Variants in ZMPSTE24 observed in about 807,000 individuals in gnomAD.
ZMPSTE24 encodes the protein CAAX prenyl protease 1 homolog.
A neutral mutation model predicts 56.7 loss-of-function variants in ZMPSTE24; 48 were observed. That is an observed-to-expected ratio of 0.85 (90% confidence interval 0.67 to 1.08). The LOEUF is 1.08. Among genes scored for constraint, ZMPSTE24 ranks in the 50% least tolerant of loss-of-function variants. ZMPSTE24 has a pLI of 0.00. For missense variants in ZMPSTE24, 503 were observed against 548.7 expected, an observed-to-expected ratio of 0.92 and a Z score of 0.83; for synonymous variants, 172 against 195.2, an observed-to-expected ratio of 0.88 and a Z score of 0.99.
intron 6 of ZMPSTE24, among the ~76,000 whole-genome samples, chr1:40,277,190 A>G (rs1227639953): frequency 6.7e-6 from 1 of 149,252 alleles, no homozygotes; most frequent in Non-Finnish European, 1.5e-5. Context: ...GGTTCACACC[A>G]TTCTCCTGCC....
chr1:40,265,065 T>A (rs959698454), intron 2 of ZMPSTE24, among the ~76,000 whole-genome samples: 1 of 152,102 alleles, frequency 6.6e-6, no homozygotes, highest in African/African-American at 2.4e-5. Context: ...AAACTAAACA[T>A]GCTTTGTTTT....
Position 40,278,419 on chromosome 1 carries a change from G to A in ZMPSTE24, c.770-2924G>A, listed in dbSNP as rs572963719. Among the ~76,000 whole-genome samples the A allele has an allele frequency of 7.9e-4, 119 of 151,100 alleles. 1 individual carries two copies. The highest frequency in any genetic ancestry group is 9.3e-4 in the Non-Finnish European group (63 of 67,702). On this transcript the variant is annotated intron_variant, in intron 6 of 9. Coordinates refer to ENST00000372759, the MANE Select transcript of ZMPSTE24 (RefSeq NM_005857.5). ...TAAAAATACAAAAAATTAGCCGGGC[G>A]TGGTAGCGGGCGCCTGTAGTCCCAG...
intron 4 of ZMPSTE24, among the ~76,000 whole-genome samples, chr1:40,268,762 T>G (rs1331806103): frequency 2.6e-5 from 4 of 151,990 alleles, no homozygotes; most frequent in Admixed American, 6.6e-5. Flanking sequence ...GAGGCCAACC[T>G]GGTCAACACT....
chr1:40,286,495 A>T (rs188063254), intron 8 of ZMPSTE24, among the ~76,000 whole-genome samples: 1 of 152,102 alleles, frequency 6.6e-6, no homozygotes, highest in Admixed American at 6.5e-5. Context: ...ATCTCGGCTC[A>T]CTGCAACCTC....
At chr1:40,267,728 C>T in intron 2 of ZMPSTE24, 58 bp from the exon 3 acceptor site, 1 of 1,293,402 alleles carries the variant, frequency 7.7e-7, no homozygotes, top group Non-Finnish European at 1.1e-6. Flanking sequence ...ACCATGCTTT[C>T]TCATATGATA....
rs780441266 is a variant in ZMPSTE24 at position 40,293,114 on chromosome 1, T to C, written c.*445T>C. On this transcript the variant is annotated 3_prime_UTR_variant, in exon 10 of 10. Transcript: ENST00000372759. ...ATCTGGTCTTACTTTCATGCTGTTA[T>C]GATTTCACCTGGTGAATCAGTGTTT... 1.2e-5 allele frequency: 2 copies of C among 161,890 alleles called. No individual in the cohort carries two copies. Among genetic ancestry groups the C allele is most frequent in the African/African-American group, 4.8e-5 (2 of 41,534 alleles). 10.0% of individuals were successfully genotyped at this position (161,890 alleles called of 1,614,324 possible). A position where few individuals can be genotyped will look rare whatever the true frequency, so the allele number is the denominator to read the frequency against.
At chr1:40,278,445 C>G (rs1322029941) in intron 6 of ZMPSTE24, among the ~76,000 whole-genome samples, 1 of 148,674 alleles carries the variant, frequency 6.7e-6, no homozygotes, top group Non-Finnish European at 1.5e-5. Flanking sequence ...GTAGTCCCAG[C>G]TACTCGGGAG....
intron 8 of ZMPSTE24, among the ~76,000 whole-genome samples, chr1:40,287,165 C>G (rs1226555405): frequency 1.3e-5 from 2 of 151,878 alleles, no homozygotes; most frequent in African/African-American, 4.8e-5. Context: ...CTCCCAGGCT[C>G]AAGCCATCCT....
intron 6 of ZMPSTE24, 130 bp downstream of exon 6, chr1:40,272,165 C>A: frequency 1.9e-6 from 2 of 1,070,402 alleles, no homozygotes; most frequent in Non-Finnish European, 2.5e-6. Context: ...TATTTAAAGG[C>A]TAGGAGTTTA....
At position 40,278,504 on chromosome 1, in the gene ZMPSTE24, G is replaced by T. The variant is rs1643693385; in HGVS notation, c.770-2839G>T. Reference sequence around the variant, plus strand: ...ACCCGGGAGGCGGAGCTTGCAGTGAGCCGAGATCGCGCCACTGCACTCCAG... The same window carrying T: ...ACCCGGGAGGCGGAGCTTGCAGTGATCCGAGATCGCGCCACTGCACTCCAG... On this transcript the variant is annotated intron_variant, in intron 6 of 9. Coordinates refer to ENST00000372759, the MANE Select transcript of ZMPSTE24 (RefSeq NM_005857.5). Among the ~76,000 whole-genome samples, 4 of 128,244 alleles carry T rather than the reference G, an allele frequency of 3.1e-5. No homozygotes were observed. In the South Asian group the frequency reaches 1.0e-3, roughly 33 times the overall value. The allele number at this position is 128,244 out of a possible 152,430, so 84.1% of individuals were successfully genotyped here.
At chr1:40,264,929 C>A (rs1643534735) in intron 2 of ZMPSTE24, among the ~76,000 whole-genome samples, 1 of 148,104 alleles carries the variant, frequency 6.8e-6, no homozygotes, top group Non-Finnish European at 1.5e-5. Context: ...TATGTCAAAG[C>A]GCTGGAATTA....
At chr1:40,282,324 A>G (rs1440080259) in intron 7 of ZMPSTE24, among the ~76,000 whole-genome samples, 1 of 152,232 alleles carries the variant, frequency 6.6e-6, no homozygotes, top group Non-Finnish European at 1.5e-5. Flanking sequence ...AATTTAAAGT[A>G]TCAAGACTAA....
At chr1:40,285,814 A>G in intron 7 of ZMPSTE24, 111 bp from the exon 8 acceptor site, 1 of 889,098 alleles carries the variant, frequency 1.1e-6, no homozygotes, top group East Asian at 2.8e-5. Flanking sequence ...ACAGTTTTGA[A>G]CAAAACTGAT....
chr1:40,258,813 C>T (rs1171441116), intron 1 of ZMPSTE24, among the ~76,000 whole-genome samples: 1 of 152,110 alleles, frequency 6.6e-6, no homozygotes, highest in African/African-American at 2.4e-5. Flanking sequence ...ACTCTTGTTT[C>T]TCCTTAAAGT....
At position 40,294,074 on chromosome 1, in the gene ZMPSTE24, A is replaced by G. The variant is rs528062769; in HGVS notation, c.*1405A>G. On this transcript the variant is annotated 3_prime_UTR_variant, in exon 10 of 10. Transcript: ENST00000372759. ...CCTATGCTTTTATTCAGCATCCTTT[A>G]TCTGTGACTTCATGCTCTGATAACT... The G allele has an allele frequency of 3.7e-4, 57 of 152,790 alleles. No individual in the cohort carries two copies. Among genetic ancestry groups the G allele is most frequent in the African/African-American group, 1.3e-3 (52 of 41,580 alleles). The allele number at this position is 152,790 out of a possible 1,614,324, so 9.5% of individuals were successfully genotyped here.
In ZMPSTE24 at chr1:40,291,008, A is replaced by T. The variant is rs1410411568; in HGVS notation, c.1203+11A>T. 4 of 1,613,356 alleles carry T rather than the reference A, an allele frequency of 2.5e-6. No homozygotes were observed. Among genetic ancestry groups the T allele is most frequent in the Non-Finnish European group, 3.4e-6 (4 of 1,179,682 alleles). On this transcript the variant is annotated intron_variant, in intron 9 of 9. Transcript: ENST00000372759. ...TCACCTTACAATGAGGTAATGTATG[A>T]TCTTTAAAATTATCACACATATGCT...
At chr1:40,283,582 G>C (rs1251010400) in intron 7 of ZMPSTE24, among the ~76,000 whole-genome samples, 1 of 151,726 alleles carries the variant, frequency 6.6e-6, no homozygotes, top group Non-Finnish European at 1.5e-5. Flanking sequence ...AAGTTTGTTA[G>C]ATCTTTCTCT....
intron 6 of ZMPSTE24, among the ~76,000 whole-genome samples, chr1:40,280,222 G>C (rs1267913692): frequency 6.6e-6 from 1 of 151,988 alleles, no homozygotes; most frequent in African/African-American, 2.4e-5. Context: ...GCTCTCCATT[G>C]GTCATTGTCA....
rs1397912724 is a variant in ZMPSTE24 at position 40,292,795 on chromosome 1, T to A, written c.*126T>A. 7 of 700,156 alleles carry A rather than the reference T, an allele frequency of 1.0e-5. No homozygotes were observed. Among genetic ancestry groups the A allele is most frequent in the Non-Finnish European group, 1.4e-5 (6 of 416,942 alleles). 43.4% of individuals were successfully genotyped at this position (700,156 alleles called of 1,614,324 possible). A position where few individuals can be genotyped will look rare whatever the true frequency, so the allele number is the denominator to read the frequency against. On this transcript the variant is annotated 3_prime_UTR_variant, in exon 10 of 10. Coordinates refer to ENST00000372759, the MANE Select transcript of ZMPSTE24 (RefSeq NM_005857.5). Reference sequence around the variant, plus strand: ...AAGTACAGAAAAGCCCAGATTTAAATACATTTAATATGTCATTTTAAAAAT... The same window carrying A: ...AAGTACAGAAAAGCCCAGATTTAAAAACATTTAATATGTCATTTTAAAAAT...
Sources: allele counts gnomAD v4.1 joint callset (sites outside exome capture counted in the v4.1 genomes callset), GRCh38; gene constraint gnomAD v4.1.1; transcripts MANE v1.5; gene names NCBI Gene and HGNC (gene_info 2026-07-23, HGNC 2026-07-21).